NKAIN2: variants seen among roughly 807,000 people sequenced by gnomAD.
NKAIN2 encodes the protein sodium/potassium transporting ATPase interacting 2.
In NKAIN2, 14 loss-of-function variants were observed where a neutral mutation model predicts 32.6. The ratio of observed to expected loss-of-function variants is 0.43; its 90% CI spans 0.28 to 0.67. NKAIN2 has a LOEUF of 0.67. NKAIN2 is among the 30% of genes least tolerant of loss of function. The probability of loss-of-function intolerance (pLI) is 0.17; values close to 1 mark genes in which losing one functional copy is unlikely to be tolerated. For synonymous variants in NKAIN2, 80 were observed against 87.2 expected (o/e 0.92, Z 0.46); for missense variants, 198 against 258.3 (o/e 0.77, Z 1.60).
At chr6:124,092,726 C>A (rs993320864) in intron 1 of NKAIN2, among the ~76,000 whole-genome samples, 4 of 151,904 alleles carry the variant, frequency 2.6e-5, no homozygotes, top group Non-Finnish European at 5.9e-5. Context: ...ATGTAAAATT[C>A]TTTCCACATG....
chr6:124,725,050 C>T (rs964809100), intron 4 of NKAIN2, among the ~76,000 whole-genome samples: 22 of 152,298 alleles, frequency 1.4e-4, no homozygotes, highest in African/African-American at 4.1e-4. Context: ...TAGGGAATTC[C>T]GACTTGCCCC....
chr6:124,074,298 A>G (rs1783593212), intron 1 of NKAIN2, among the ~76,000 whole-genome samples: 1 of 152,148 alleles, frequency 6.6e-6, no homozygotes, highest in Admixed American at 6.6e-5. Flanking sequence ...GGAGGAGAGC[A>G]GGTGTTCAGC....
intron 1 of NKAIN2, among the ~76,000 whole-genome samples, chr6:123,916,148 A>T (rs913136079): frequency 1.3e-5 from 2 of 152,162 alleles, no homozygotes; most frequent in Non-Finnish European, 2.9e-5. Context: ...AAGATAAGTT[A>T]ATCTAGGGCA....
chr6:123,993,138 T>G (rs1469985437), intron 1 of NKAIN2, among the ~76,000 whole-genome samples: 1 of 152,212 alleles, frequency 6.6e-6, no homozygotes, highest in Non-Finnish European at 1.5e-5. Flanking sequence ...ACTCGATAGT[T>G]GTACCATGTT....
chr6:124,394,456 GAGATAGATAGATAGATAGAT>G (rs59551274), intron 3 of NKAIN2, among the ~76,000 whole-genome samples: 23 of 143,580 alleles, frequency 1.6e-4, no homozygotes, highest in South Asian at 4.6e-4. Context: ...GAATCAATAT[GAGATAGATAGATAGATAGAT>G]AGATAGATAG....
intron 3 of NKAIN2, among the ~76,000 whole-genome samples, chr6:124,492,718 T>C (rs1259229719): frequency 6.6e-6 from 1 of 152,058 alleles, no homozygotes; most frequent in Non-Finnish European, 1.5e-5. Flanking sequence ...ATGATATACT[T>C]AATGTAAAAT....
rs979801661 is a variant in NKAIN2, at chr6:124,825,215, C to T, written c.*1986C>T. The T allele has an allele frequency of 1.3e-5, 2 of 152,504 alleles. No homozygotes were observed. The highest frequency in any genetic ancestry group is 4.1e-4 in the South Asian group (2 of 4,826). 9.4% of individuals were successfully genotyped at this position (152,504 alleles called of 1,614,324 possible). A position where few individuals can be genotyped will look rare whatever the true frequency, so the allele number is the denominator to read the frequency against. On this transcript the variant is annotated 3_prime_UTR_variant, in exon 7 of 7. Coordinates refer to ENST00000368417, the MANE Select transcript of NKAIN2 (RefSeq NM_001040214.3). ...TTCACTGTACATTCATGCTGTGATG[C>T]GATTTCACCTTATAGTACATGTATA...
At chr6:123,832,686 A>G (rs979783396) in intron 1 of NKAIN2, among the ~76,000 whole-genome samples, 10 of 152,168 alleles carry the variant, frequency 6.6e-5, no homozygotes, top group African/African-American at 2.4e-4. Flanking sequence ...ATGTAGAAGT[A>G]TCTCATTCTT....
chr6:124,149,998 G>A (rs1787621332), intron 1 of NKAIN2, among the ~76,000 whole-genome samples: 1 of 152,122 alleles, frequency 6.6e-6, no homozygotes, highest in Non-Finnish European at 1.5e-5. Context: ...TCAAAGGTCA[G>A]TTCCTGGTCA....
At chr6:123,874,451 C>CATG (rs1281641702) in intron 1 of NKAIN2, among the ~76,000 whole-genome samples, 1 of 152,018 alleles carries the variant, frequency 6.6e-6, no homozygotes, top group African/African-American at 2.4e-5. Context: ...TGGGAAAAGG[C>CATG]ATGAGTAGGG....
At chr6:124,576,601 C>T (rs1444531259) in intron 3 of NKAIN2, among the ~76,000 whole-genome samples, 1 of 151,940 alleles carries the variant, frequency 6.6e-6, no homozygotes, top group Non-Finnish European at 1.5e-5. Context: ...CTCAGTGAAC[C>T]AATATTTTCC....
At chr6:124,763,894 T>G (rs1001131714) in intron 4 of NKAIN2, among the ~76,000 whole-genome samples, 2 of 152,210 alleles carry the variant, frequency 1.3e-5, no homozygotes, top group African/African-American at 4.8e-5. Context: ...TTTGCTTCCC[T>G]CAAATGTTTC....
At chr6:124,743,384 C>G (rs1777309956) in intron 4 of NKAIN2, among the ~76,000 whole-genome samples, 1 of 151,822 alleles carries the variant, frequency 6.6e-6, no homozygotes, top group South Asian at 2.1e-4. Flanking sequence ...CTAGCCTCTC[C>G]ATGTAGTCCA....
intron 1 of NKAIN2, among the ~76,000 whole-genome samples, chr6:123,967,516 G>A (rs1428881351): frequency 6.6e-6 from 1 of 152,042 alleles, no homozygotes; most frequent in Non-Finnish European, 1.5e-5. Context: ...ACCAATAATT[G>A]CAGCTTTTCA....
At chr6:123,846,606 T>C (rs924111273) in intron 1 of NKAIN2, among the ~76,000 whole-genome samples, 1 of 152,180 alleles carries the variant, frequency 6.6e-6, no homozygotes, top group Non-Finnish European at 1.5e-5. Flanking sequence ...AAATGATTTT[T>C]ATAGCAACAT....
intron 3 of NKAIN2, among the ~76,000 whole-genome samples, chr6:124,376,373 T>A (rs1486860913): frequency 1.3e-5 from 2 of 152,114 alleles, no homozygotes; most frequent in African/African-American, 2.4e-5. Context: ...TATTATTTAT[T>A]TTCCAGTTTG....
intron 3 of NKAIN2, among the ~76,000 whole-genome samples, chr6:124,481,986 T>C (rs660197): frequency 0.78 from 118,369 of 152,014 alleles, 46,211 homozygotes; most frequent in African/African-American, 0.82. Context: ...AAAAAAATGT[T>C]CAAAAAGTTT....
intron 1 of NKAIN2, among the ~76,000 whole-genome samples, chr6:123,967,000 A>C (rs1261302744): frequency 6.6e-6 from 1 of 152,156 alleles, no homozygotes; most frequent in Admixed American, 6.5e-5. Context: ...GATTAAAACA[A>C]CCTCCTGGGG....
At chr6:124,006,403 A>G (rs1780075034) in intron 1 of NKAIN2, among the ~76,000 whole-genome samples, 1 of 152,166 alleles carries the variant, frequency 6.6e-6, no homozygotes, top group South Asian at 2.1e-4. Context: ...TATAAGCCTC[A>G]GGGGTTAGGA....
Sources: gnomAD v4.1 joint callset for allele counts (sites outside exome capture counted in the v4.1 genomes callset) on GRCh38, gnomAD v4.1.1 for gene constraint, MANE v1.5 for transcripts, NCBI Gene and HGNC (gene_info 2026-07-23, HGNC 2026-07-21) for gene names.